WWP2: variants seen among roughly 807,000 people sequenced by gnomAD.
WWP2 encodes NEDD4-like E3 ubiquitin-protein ligase WWP2.
Under a neutral mutation model 121.0 loss-of-function variants are expected in WWP2, and 57 were observed. The ratio of observed to expected loss-of-function variants is 0.47; its 90% CI spans 0.38 to 0.59. The LOEUF is 0.59. Among genes scored for constraint, WWP2 ranks in the 20% least tolerant of loss-of-function variants. The probability of loss-of-function intolerance (pLI) is 0.00; values close to 1 mark genes in which losing one functional copy is unlikely to be tolerated. For synonymous variants in WWP2, 449 were observed against 441.3 expected (o/e 1.02, Z -0.22); for missense variants, 962 against 1,158.9 (o/e 0.83, Z 2.47).
intron 4 of WWP2, chr16:69,827,855 A>G (rs773936579): frequency 3.5e-5 from 16 of 454,500 alleles, no homozygotes; most frequent in Non-Finnish European, 5.7e-5. Context: ...AATTTATTCT[A>G]AAGACTTAAC....
At chr16:69,909,464 C>A (rs2058348907) in intron 9 of WWP2, 2 of 985,458 alleles carry the variant, frequency 2.0e-6, no homozygotes, top group Non-Finnish European at 2.4e-6. Flanking sequence ...GCCCGTGTGC[C>A]CTGTTTGGTT....
At chr16:69,835,681 A>G (rs927454602) in intron 4 of WWP2, among the ~76,000 whole-genome samples, 1 of 152,138 alleles carries the variant, frequency 6.6e-6, no homozygotes, top group Non-Finnish European at 1.5e-5. Context: ...ATATCATGAC[A>G]CTTTAATCCC....
At chr16:69,931,653 C>A in intron 15 of WWP2, 73 bp downstream of exon 15, 1 of 1,596,936 alleles carries the variant, frequency 6.3e-7, no homozygotes, top group Non-Finnish European at 8.6e-7. Flanking sequence ...TATCGCGTGG[C>A]CTGTTAAACC....
chr16:69,779,405 G>A (rs1409596865), intron 1 of WWP2, among the ~76,000 whole-genome samples: 1 of 152,084 alleles, frequency 6.6e-6, no homozygotes, highest in African/African-American at 2.4e-5. Flanking sequence ...ATAAGCAGTG[G>A]ACTGCAATTT....
At chr16:69,827,928 G>A (rs1597012983) in intron 4 of WWP2, 1 of 455,768 alleles carries the variant, frequency 2.2e-6, no homozygotes, top group African/African-American at 2.0e-5. Flanking sequence ...GCTACGGCTT[G>A]AGAGATTTAC....
rs1378451320 is a variant in WWP2 at position 69,939,928 on chromosome 16, T to C, written c.2601T>C (p.Phe867=). 1 of 1,613,650 alleles carries C rather than the reference T, an allele frequency of 6.2e-7. No homozygotes were observed. Among genetic ancestry groups the C allele is most frequent in the Middle Eastern group, 1.7e-4 (1 of 6,058 alleles). The change falls in exon 24 of 24, where the codon TTT becomes TTC. Residue 867 remains phenylalanine, a synonymous_variant. Coordinates refer to ENST00000359154, the MANE Select transcript of WWP2 (RefSeq NM_001270454.2). ...LLYAIEETEG[F]GQE is the part of the protein sequence containing the mutation. ...ATGCCATTGAGGAGACCGAGGGCTTTGGACAGGAGTAACCGAGGCCGCCCC... is the reference window on the plus strand; with the variant it reads ...ATGCCATTGAGGAGACCGAGGGCTTCGGACAGGAGTAACCGAGGCCGCCCC...
chr16:69,768,824 T>G (rs933488808), intron 1 of WWP2, among the ~76,000 whole-genome samples: 1 of 152,192 alleles, frequency 6.6e-6, no homozygotes, highest in Non-Finnish European at 1.5e-5. Context: ...TTTTCCGTGC[T>G]TAGTCTTTGT....
chr16:69,891,410 G>C (rs1182927636), intron 8 of WWP2, among the ~76,000 whole-genome samples: 1 of 152,174 alleles, frequency 6.6e-6, no homozygotes, highest in East Asian at 1.9e-4. Context: ...ATCTTCTTGA[G>C]TTTGCAGAAT....
Position 69,874,659 on chromosome 16 carries a change from A to T in WWP2, c.703+2728A>T, listed in dbSNP as rs199942217. On this transcript the variant is annotated intron_variant, in intron 7 of 23. Transcript: ENST00000359154. ...AAATAGACGAATGGCATAGCCCTTC[A>T]TTGAGACTTGTATGGGATGATTTAC... Among the ~76,000 whole-genome samples, 4 of 152,158 alleles carry T rather than the reference A, an allele frequency of 2.6e-5. No individual in the cohort carries two copies. In the East Asian group the frequency reaches 7.7e-4, roughly 29 times the overall value.
In WWP2 at chr16:69,786,945, C is replaced by A. The variant is rs79025825; in HGVS notation, c.-15-51C>A. On this transcript the variant is annotated intron_variant, in intron 1 of 23. Coordinates refer to ENST00000359154, the MANE Select transcript of WWP2 (RefSeq NM_001270454.2). ...AATATTGAAATTGAGTTAAACTCCT[C>A]TGTCTTCTTATCAGATATTCTCTGA... 3,963 of 1,489,982 alleles carry A rather than the reference C, an allele frequency of 2.7e-3. 65 individuals are homozygous for A. In the African/African-American group the frequency reaches 0.039, roughly 15 times the overall value. The allele number at this position is 1,489,982 out of a possible 1,614,324, so 92.3% of individuals were successfully genotyped here.
intron 1 of WWP2, among the ~76,000 whole-genome samples, chr16:69,778,188 A>ATTTTT (rs1294958172): frequency 3.1e-5 from 3 of 95,610 alleles, no homozygotes; most frequent in African/African-American, 1.7e-4. Flanking sequence ...ATATATATAT[A>ATTTTT]TATATTTTTT....
At chr16:69,927,827 A>T (rs1237532944) in intron 11 of WWP2, among the ~76,000 whole-genome samples, 1 of 151,756 alleles carries the variant, frequency 6.6e-6, no homozygotes, top group African/African-American at 2.4e-5. Flanking sequence ...TCTTTTATTT[A>T]TTTTTTATTT....
At chr16:69,804,990 A>C (rs1157040478) in intron 4 of WWP2, among the ~76,000 whole-genome samples, 1 of 150,936 alleles carries the variant, frequency 6.6e-6, no homozygotes, top group East Asian at 1.9e-4. Flanking sequence ...CTGTCAGTTT[A>C]CTGAGTCCTT....
intron 13 of WWP2, 133 bp from the exon 14 acceptor site, chr16:69,931,019 G>A (rs2058702518): frequency 1.3e-6 from 1 of 797,966 alleles, no homozygotes; most frequent in Admixed American, 2.4e-5. Flanking sequence ...GGATCTTAAT[G>A]ACAGTCACTT....
chr16:69,912,978 ATATATATATATATATATTTTTTTTTTTTT>A (rs2058415333), intron 9 of WWP2, among the ~76,000 whole-genome samples: 1 of 11,366 alleles, frequency 8.8e-5, no homozygotes, highest in South Asian at 6.4e-3. Flanking sequence ...ATATATATAT[ATATATATATATATATATTTTTTTTTTTTT>A]TTTTTTTTTT....
intron 7 of WWP2, among the ~76,000 whole-genome samples, chr16:69,878,771 T>A (rs2057776694): frequency 6.6e-6 from 1 of 152,214 alleles, no homozygotes; most frequent in Non-Finnish European, 1.5e-5. Flanking sequence ...ATTCCTTAAT[T>A]CTTGTGTATT....
intron 2 of WWP2, among the ~76,000 whole-genome samples, chr16:69,796,582 A>T (rs1383209103): frequency 6.6e-6 from 1 of 152,260 alleles, no homozygotes; most frequent in Admixed American, 6.5e-5. Context: ...TACAGTTTTT[A>T]CTGAATGCAT....
intron 9 of WWP2, among the ~76,000 whole-genome samples, chr16:69,911,409 G>A (rs2058376663): frequency 6.6e-6 from 1 of 152,230 alleles, no homozygotes; most frequent in South Asian, 2.1e-4. Flanking sequence ...CTTGCAAGAA[G>A]ATGATCCAGG....
chr16:69,803,482 GTCGTT>G (rs1362601214), intron 4 of WWP2, among the ~76,000 whole-genome samples: 1 of 151,986 alleles, frequency 6.6e-6, no homozygotes, highest in Non-Finnish European at 1.5e-5. Context: ...TTCTCAACAT[GTCGTT>G]TTGCAGTTTT....
Sources: gnomAD v4.1 joint callset for allele counts (sites outside exome capture counted in the v4.1 genomes callset) on GRCh38, gnomAD v4.1.1 for gene constraint, MANE v1.5 for transcripts, NCBI Gene and HGNC (gene_info 2026-07-23, HGNC 2026-07-21) for gene names.